Variants in SV2B observed in about 807,000 individuals in gnomAD.
SV2B encodes the protein synaptic vesicle glycoprotein 2B.
A neutral mutation model predicts 73.9 loss-of-function variants in SV2B; 41 were observed. The ratio of observed to expected loss-of-function variants is 0.56; its 90% CI spans 0.43 to 0.72. The LOEUF (loss-of-function observed/expected upper bound fraction) is 0.72, where lower values mean the gene tolerates loss of function less well. Ranked by LOEUF, SV2B falls within the 30% of genes least tolerant of loss-of-function variation. The pLI, the probability that SV2B is intolerant of heterozygous loss-of-function variation, is 0.00. For missense variants in SV2B, 764 were observed against 857.8 expected, an observed-to-expected ratio of 0.89 and a Z score of 1.37; for synonymous variants, 314 against 314.2, an observed-to-expected ratio of 1.00 and a Z score of 0.01.
rs981047682 is a variant in SV2B at position 91,242,659 on chromosome 15, A to G, written c.452-9160A>G. Among the ~76,000 whole-genome samples the G allele has an allele frequency of 1.3e-5, 2 of 152,218 alleles. No individual in the cohort carries two copies. Among genetic ancestry groups the G allele is most frequent in the African/African-American group, 4.8e-5 (2 of 41,442 alleles). ...GAGAGAGCATAGGACATCAGTATCC[A>G]GGGGTTGCTTAATACTTGATAAAAG... On this transcript the variant is annotated intron_variant, in intron 2 of 12. Transcript: ENST00000394232. This position sits in a 1 kb window ranked among gnomAD's most constrained non-coding sequence, Gnocchi z 4.9.
chr15:91,276,802 G>GTTATTATTATTATTATTA (rs1464096663), intron 9 of SV2B, among the ~76,000 whole-genome samples: 5 of 56,768 alleles, frequency 8.8e-5, no homozygotes, highest in African/African-American at 3.3e-4. Flanking sequence ...TATTATTGTT[G>GTTATTATTATTATTATTA]TTGTTATTAT....
chr15:91,109,604 T>C (rs2151725712), intron 1 of SV2B, among the ~76,000 whole-genome samples: 1 of 152,298 alleles, frequency 6.6e-6, no homozygotes, highest in South Asian at 2.1e-4. Context: ...ATGGGCAGGT[T>C]CCTTTTCAGG....
chr15:91,140,125 G>A lies in SV2B; in HGVS notation c.-392+39762G>A, dbSNP rs374934738. Among the ~76,000 whole-genome samples, 100 of 152,278 alleles carry A rather than the reference G, an allele frequency of 6.6e-4. 1 individual carries two copies. Among genetic ancestry groups the A allele is most frequent in the Admixed American group, 2.0e-3 (31 of 15,294 alleles). ...GCCCAGTAGGTGATTCTGATGTACC[G>A]AGTTTGAGAACCACTGGTGTAGGCA... On this transcript the variant is annotated intron_variant, in intron 1 of 12. Coordinates refer to ENST00000394232, the MANE Select transcript of SV2B (RefSeq NM_001323032.3). The surrounding 1 kb of genome is among the most constrained non-coding windows in gnomAD (Gnocchi z 4.4).
rs1366301276 is a variant in SV2B at position 91,140,574 on chromosome 15, C to T, written c.-392+40211C>T. On this transcript the variant is annotated intron_variant, in intron 1 of 12. Transcript: ENST00000394232. This position sits in a 1 kb window ranked among gnomAD's most constrained non-coding sequence, Gnocchi z 4.4. ...ATTCATTAGGTCTGCTTCCATTTAA[C>T]CCGAGGCCTGAGGAGTAGCCCATTG... Among the ~76,000 whole-genome samples the T allele has an allele frequency of 1.3e-5, 2 of 152,288 alleles. No individual in the cohort carries two copies. The highest frequency in any genetic ancestry group is 3.9e-4 in the East Asian group (2 of 5,176).
chr15:91,301,734 G>A lies in SV2B; in HGVS notation c.*9182G>A, dbSNP rs1229018639. On this transcript the variant is annotated 3_prime_UTR_variant, in exon 13 of 13. Transcript: ENST00000394232. The surrounding 1 kb of genome is among the most constrained non-coding windows in gnomAD (Gnocchi z 4.3). ...GGACCAGAAGTGTTCTGGATTTCCG[G>A]TTTTAAAAGATTTTGGGATATTGGC... 6.6e-6 allele frequency among the ~76,000 whole-genome samples: 1 copy of A among 152,144 alleles called. No individual in the cohort carries two copies. Among genetic ancestry groups the A allele is most frequent in the Admixed American group, 6.5e-5 (1 of 15,282 alleles).
chr15:91,166,179 G>A (rs1235576972), intron 1 of SV2B, among the ~76,000 whole-genome samples: 3 of 152,132 alleles, frequency 2.0e-5, no homozygotes, highest in Non-Finnish European at 4.4e-5. Context: ...CCTGTAGGAT[G>A]TATAGTAGTA....
chr15:91,172,281 A>G (rs11856697), intron 1 of SV2B, among the ~76,000 whole-genome samples: 16,828 of 152,118 alleles, frequency 0.11, 1,209 homozygotes, highest in African/African-American at 0.2. Context: ...TGAAACATTT[A>G]CATGTGCTTT....
At chr15:91,138,148 A>C (rs565909141) in intron 1 of SV2B, among the ~76,000 whole-genome samples, 1 of 152,148 alleles carries the variant, frequency 6.6e-6, no homozygotes, top group East Asian at 1.9e-4. Context: ...CAAAAACAAA[A>C]CCCAACAATA....
chr15:91,215,969 T>A (rs1307156458), intron 1 of SV2B, among the ~76,000 whole-genome samples: 1 of 152,204 alleles, frequency 6.6e-6, no homozygotes, highest in Non-Finnish European at 1.5e-5. Flanking sequence ...GCAAAAAAAT[T>A]CGCAGGGTTT....
intron 1 of SV2B, among the ~76,000 whole-genome samples, chr15:91,194,539 G>A (rs908715407): frequency 3.3e-5 from 5 of 152,214 alleles, no homozygotes; most frequent in Non-Finnish European, 4.4e-5. Context: ...AGATTATCTC[G>A]TCCTCTCTCT....
At chr15:91,207,211 C>T (rs1003287367) in intron 1 of SV2B, among the ~76,000 whole-genome samples, 17 of 137,058 alleles carry the variant, frequency 1.2e-4, no homozygotes, top group South Asian at 6.9e-4. Flanking sequence ...TTTTGAGAGA[C>T]GGGGTCTCAC....
chr15:91,238,828 G>A (rs1352475340), intron 2 of SV2B, among the ~76,000 whole-genome samples: 1 of 152,144 alleles, frequency 6.6e-6, no homozygotes, highest in Non-Finnish European at 1.5e-5. Context: ...ACTAAGTATG[G>A]AGCAGAGCAA....
rs1273817598 is a variant in SV2B, at chr15:91,288,075, G to T, written c.1709-1446G>T. Among the ~76,000 whole-genome samples the T allele has an allele frequency of 6.6e-6, 1 of 152,060 alleles. No individual in the cohort carries two copies. The highest frequency in any genetic ancestry group is 6.6e-5 in the Admixed American group (1 of 15,266). ...AGTCCATGGGGTTAGCGTGTAGAGG[G>T]TATGTACAGAGCACATGTACAGAGG... On this transcript the variant is annotated intron_variant, in intron 11 of 12. Coordinates refer to ENST00000394232, the MANE Select transcript of SV2B (RefSeq NM_001323032.3). The surrounding 1 kb of genome is among the most constrained non-coding windows in gnomAD (Gnocchi z 5.8).
chr15:91,153,769 A>G (rs2043392969), intron 1 of SV2B, among the ~76,000 whole-genome samples: 1 of 80,742 alleles, frequency 1.2e-5, no homozygotes, highest in South Asian at 4.2e-4. Flanking sequence ...CAAGTGGTAA[A>G]GTCAGGCTGG....
intron 1 of SV2B, among the ~76,000 whole-genome samples, chr15:91,178,752 T>A (rs1251011197): frequency 1.3e-5 from 2 of 149,904 alleles, no homozygotes; most frequent in Non-Finnish European, 3.0e-5. Context: ...CCTTTATCAT[T>A]TTTTATTGTG....
At chr15:91,111,344 T>C (rs996688510) in intron 1 of SV2B, among the ~76,000 whole-genome samples, 1 of 152,216 alleles carries the variant, frequency 6.6e-6, no homozygotes, top group African/African-American at 2.4e-5. Context: ...TACTTTCTTG[T>C]GGTTCTTTGA....
rs958483421 is a variant in SV2B at position 91,301,628 on chromosome 15, G to T, written c.*9076G>T. Among the ~76,000 whole-genome samples the T allele has an allele frequency of 6.6e-6, 1 of 152,000 alleles. No homozygotes were observed. Among genetic ancestry groups the T allele is most frequent in the Admixed American group, 6.6e-5 (1 of 15,262 alleles). ...AAGTGTTATTTTCTTCCCTTTAGAAGTGGGGAAACTGGAACACAGGAAAGT... is the reference window on the plus strand; with the variant it reads ...AAGTGTTATTTTCTTCCCTTTAGAATTGGGGAAACTGGAACACAGGAAAGT... On this transcript the variant is annotated 3_prime_UTR_variant, in exon 13 of 13. Coordinates refer to ENST00000394232, the MANE Select transcript of SV2B (RefSeq NM_001323032.3). The surrounding 1 kb of genome is among the most constrained non-coding windows in gnomAD (Gnocchi z 4.3).
rs1830687492 is a variant in SV2B, at chr15:91,129,304, A to G, written c.-392+28941A>G. Among the ~76,000 whole-genome samples, 2 of 152,244 alleles carry G rather than the reference A, an allele frequency of 1.3e-5. No individual in the cohort carries two copies. Among genetic ancestry groups the G allele is most frequent in the Non-Finnish European group, 2.9e-5 (2 of 68,046 alleles). ...GTGCATTTGCATGTATTTGCATTTC[A>G]TAAATGAAATTTACCATTTCATAAG... On this transcript the variant is annotated intron_variant, in intron 1 of 12. Coordinates refer to ENST00000394232, the MANE Select transcript of SV2B (RefSeq NM_001323032.3). This position sits in a 1 kb window ranked among gnomAD's most constrained non-coding sequence, Gnocchi z 5.1.
At chr15:91,277,235 A>G (rs919762490) in intron 9 of SV2B, among the ~76,000 whole-genome samples, 6 of 152,228 alleles carry the variant, frequency 3.9e-5, no homozygotes, top group African/African-American at 1.4e-4. Flanking sequence ...AGGTTTTAAC[A>G]GTATGTGGGG....
Sources: gnomAD v4.1 joint callset for allele counts (sites outside exome capture counted in the v4.1 genomes callset) on GRCh38, gnomAD v4.1.1 for gene constraint, Gnocchi (gnomAD v3.1) non-coding constraint, MANE v1.5 for transcripts, NCBI Gene and HGNC (gene_info 2026-07-23, HGNC 2026-07-21) for gene names.